TENM3: variants seen among roughly 807,000 people sequenced by gnomAD.
The protein encoded by TENM3 is teneurin-3.
A neutral mutation model predicts 255.1 loss-of-function variants in TENM3; 63 were observed. The ratio of observed to expected loss-of-function variants is 0.25; its 90% confidence interval spans 0.20 to 0.30. The LOEUF is 0.30. Ranked by LOEUF, TENM3 falls within the 10% of genes least tolerant of loss-of-function variation. The probability of loss-of-function intolerance (pLI) is 1.00; values close to 1 mark genes in which losing one functional copy is unlikely to be tolerated. For missense variants in TENM3, 2,929 were observed against 3,461.1 expected (o/e 0.85, Z 3.86); for synonymous variants, 1,306 against 1,322.3 (o/e 0.99, Z 0.27).
At chr4:182,752,127 G>A in intron 20 of TENM3, 95 bp downstream of exon 20, 1 of 810,938 alleles carries the variant, frequency 1.2e-6, no homozygotes, top group Non-Finnish European at 1.9e-6. Context: ...CATGTTTAAT[G>A]CTGAGTCTAA....
the TENM3 span, among the ~76,000 whole-genome samples, chr4:181,672,728 ACTTCC>A: frequency 6.6e-6 from 1 of 152,194 alleles, no homozygotes; most frequent in Non-Finnish European, 1.5e-5. Context: ...GCTAGCAATA[ACTTCC>A]CTTTATATGT....
intron 1 of TENM3, among the ~76,000 whole-genome samples, chr4:182,217,681 C>G (rs1031567094): frequency 6.6e-6 from 1 of 152,152 alleles, no homozygotes; most frequent in Non-Finnish European, 1.5e-5. Context: ...ACAAAGCCAA[C>G]ATGTGGTAGA....
At chr4:181,539,313 TTTAAAA>T in the TENM3 span, among the ~76,000 whole-genome samples, 1 of 152,242 alleles carries the variant, frequency 6.6e-6, no homozygotes, top group Non-Finnish European at 1.5e-5. Flanking sequence ...TATTACAATG[TTTAAAA>T]TTAAATTTAC....
intron 4 of TENM3, among the ~76,000 whole-genome samples, chr4:182,616,298 G>GT (rs1290845462): frequency 7.6e-5 from 11 of 144,638 alleles, no homozygotes; most frequent in Admixed American, 3.6e-4. Flanking sequence ...GCGGTGTTTG[G>GT]TTTTTTGTTC....
At chr4:181,716,102 C>G in the TENM3 span, among the ~76,000 whole-genome samples, 1 of 152,128 alleles carries the variant, frequency 6.6e-6, no homozygotes, top group Non-Finnish European at 1.5e-5. Context: ...AAGGAAGCAT[C>G]TATGTTTGGA....
intron 3 of TENM3, among the ~76,000 whole-genome samples, chr4:182,403,833 C>G (rs1769370122): frequency 6.6e-6 from 1 of 152,162 alleles, no homozygotes; most frequent in African/African-American, 2.4e-5. Flanking sequence ...ATCCTCCAGC[C>G]TCAGCCTTCT....
At chr4:182,156,042 TTACAAG>T (rs1750680136) in intron 1 of TENM3, among the ~76,000 whole-genome samples, 2 of 149,328 alleles carry the variant, frequency 1.3e-5, no homozygotes, top group African/African-American at 4.9e-5. Context: ...GCAAATGTAA[TTACAAG>T]TACATGTGTT....
At chr4:182,788,549 A>G (rs147305078) in intron 24 of TENM3, among the ~76,000 whole-genome samples, 1 of 152,330 alleles carries the variant, frequency 6.6e-6, no homozygotes, top group East Asian at 1.9e-4. Context: ...CTTCTCAAAA[A>G]ACTGTGACGT....
At chr4:182,194,886 A>T (rs935710956) in intron 1 of TENM3, among the ~76,000 whole-genome samples, 1 of 152,180 alleles carries the variant, frequency 6.6e-6, no homozygotes. Context: ...TAGACTGGCT[A>T]TGCATGTTTT....
intron 3 of TENM3, among the ~76,000 whole-genome samples, chr4:182,429,271 T>C (rs1771455252): frequency 6.6e-6 from 1 of 152,208 alleles, no homozygotes; most frequent in African/African-American, 2.4e-5. Flanking sequence ...CTGTTAAACA[T>C]TATTTGGTAT....
chr4:181,814,306 A>G, the TENM3 span, among the ~76,000 whole-genome samples: 1 of 152,188 alleles, frequency 6.6e-6, no homozygotes, highest in African/African-American at 2.4e-5. Flanking sequence ...TTATATTATT[A>G]TACAAAGTTT....
intron 1 of TENM3, among the ~76,000 whole-genome samples, chr4:182,228,672 G>T (rs370541786): frequency 6.6e-6 from 1 of 152,030 alleles, no homozygotes; most frequent in Non-Finnish European, 1.5e-5. Context: ...AAGAAAGTTC[G>T]TTAAGAATGC....
At chr4:181,562,474 T>C in the TENM3 span, among the ~76,000 whole-genome samples, 1 of 152,312 alleles carries the variant, frequency 6.6e-6, no homozygotes, top group South Asian at 2.1e-4. Context: ...ATTCTAGATG[T>C]GGGCCAGTTG....
At chr4:181,896,315 T>C in the TENM3 span, among the ~76,000 whole-genome samples, 21,099 of 152,150 alleles carry the variant, frequency 0.14, 1,720 homozygotes, top group East Asian at 0.26. Flanking sequence ...CCTTCTAGAC[T>C]TCCATTCTGT....
At chr4:182,187,951 G>A (rs1374361021) in intron 1 of TENM3, among the ~76,000 whole-genome samples, 1 of 152,068 alleles carries the variant, frequency 6.6e-6, no homozygotes, top group Non-Finnish European at 1.5e-5. Context: ...CTTGTGGCAT[G>A]TTAACAGCAA....
At chr4:181,585,691 C>G in the TENM3 span, among the ~76,000 whole-genome samples, 1 of 152,102 alleles carries the variant, frequency 6.6e-6, no homozygotes, top group African/African-American at 2.4e-5. Context: ...ATTTCAATCA[C>G]ATGCCTAAGA....
chr4:182,206,870 C>T (rs746959673), intron 1 of TENM3, among the ~76,000 whole-genome samples: 9 of 152,088 alleles, frequency 5.9e-5, no homozygotes, highest in Non-Finnish European at 1.2e-4. Flanking sequence ...TCAAAATTCC[C>T]GTTCTTTCTT....
In TENM3 at chr4:182,619,562, T is replaced by G. The variant is rs1028869280; in HGVS notation, c.750-9089T>G. On this transcript the variant is annotated intron_variant, in intron 4 of 27. Transcript: ENST00000511685. ...GAGCAACTATTAATTGTGCTTAACG[T>G]AGAGTCATCCTTCCTATATATGTTT... Among the ~76,000 whole-genome samples the G allele has an allele frequency of 2.6e-4, 40 of 152,212 alleles. 2 individuals carry two copies. The highest frequency in any genetic ancestry group is 2.9e-5 in the Non-Finnish European group (2 of 68,040).
chr4:182,708,811 A>AT (rs1758512562), intron 12 of TENM3, among the ~76,000 whole-genome samples: 1 of 151,940 alleles, frequency 6.6e-6, no homozygotes, highest in African/African-American at 2.4e-5. Context: ...AAAAAAAAAA[A>AT]AAAGATGTGA....
Sources: gnomAD v4.1 joint callset for allele counts (sites outside exome capture counted in the v4.1 genomes callset) on GRCh38, gnomAD v4.1.1 for gene constraint, MANE v1.5 for transcripts, NCBI Gene and HGNC (gene_info 2026-07-23, HGNC 2026-07-21) for gene names.